UNC119B: variants seen among roughly 807,000 people sequenced by gnomAD.
The protein encoded by UNC119B is unc-119 lipid binding chaperone B.
A neutral mutation model predicts 23.4 loss-of-function variants in UNC119B; 16 were observed. The ratio of observed to expected loss-of-function variants is 0.68; its 90% CI spans 0.46 to 1.04. The LOEUF is 1.04. UNC119B is among the 50% of genes least tolerant of loss of function. The pLI is 0.00. For missense variants in UNC119B, 350 were observed against 361.3 expected (o/e 0.97, Z 0.25); for synonymous variants, 144 against 145.4 (o/e 0.99, Z 0.07).
rs1882897645 is a variant in UNC119B at position 120,721,359 on chromosome 12, T to G, written c.*1327T>G. ...CTCCACAAACCCTCTGATGAGACGA[T>G]TGATGTGGCCAGGGTCCAGTTAGCA... On this transcript the variant is annotated 3_prime_UTR_variant, in exon 5 of 5. Transcript: ENST00000344651. The G allele has an allele frequency of 6.6e-6, 1 of 152,268 alleles. No individual in the cohort carries two copies. The highest frequency in any genetic ancestry group is 6.5e-5 in the Admixed American group (1 of 15,284). 9.4% of individuals were successfully genotyped at this position (152,268 alleles called of 1,614,324 possible). A position where few individuals can be genotyped will look rare whatever the true frequency, so the allele number is the denominator to read the frequency against.
At chr12:120,713,909 A>G (rs184419804) in intron 2 of UNC119B, among the ~76,000 whole-genome samples, 3 of 152,298 alleles carry the variant, frequency 2.0e-5, no homozygotes, top group Admixed American at 6.5e-5. Context: ...TGGAGTTCCC[A>G]GACCTAGTTT....
Position 120,720,038 on chromosome 12 carries a change from G to A in UNC119B, c.*6G>A, listed in dbSNP as rs776491799. 6.2e-7 allele frequency: 1 copy of A among 1,602,894 alleles called. No homozygotes were observed. The highest frequency in any genetic ancestry group is 8.5e-7 in the Non-Finnish European group (1 of 1,170,042). ...CCTATAATGGAGGCCAGTAAGTGCT[G>A]CAAGAGTAGATAGGGGAGGTGCTTT... On this transcript the variant is annotated 3_prime_UTR_variant, in exon 5 of 5. Coordinates refer to ENST00000344651, the MANE Select transcript of UNC119B (RefSeq NM_001080533.3).
intron 1 of UNC119B, 60 bp from the exon 2 acceptor site, chr12:120,713,214 A>T: frequency 1.5e-6 from 2 of 1,360,564 alleles, no homozygotes; most frequent in Non-Finnish European, 2.1e-6. Flanking sequence ...CTTGAGAATT[A>T]AATAAATGGT....
In UNC119B at chr12:120,710,524, C is replaced by A. The variant is rs1442119979; in HGVS notation, c.50C>A (p.Pro17His). ...GCGGCCGCGGCGTCGGCGGCTGGGC[C>A]CGGGGGGCTGGTGGCTGGCAAGGAG... is the stretch of plus-strand genomic sequence containing the variant. The part of the protein sequence containing the change: ...KAAAAASAAG[P>H]GGLVAGKEEK... Residue 17 changes from proline (P) to histidine (H), a missense_variant, in exon 1 of 5, where the codon CCC (proline) becomes CAC (histidine). By Grantham distance (77) the Pro-to-His change is moderately conservative. Coordinates refer to ENST00000344651, the MANE Select transcript of UNC119B (RefSeq NM_001080533.3). 7 of 1,369,950 alleles carry A rather than the reference C, an allele frequency of 5.1e-6. No homozygotes were observed. Among genetic ancestry groups the A allele is most frequent in the East Asian group, 3.0e-5 (1 of 32,824 alleles). The allele number at this position is 1,369,950 out of a possible 1,614,324, so 84.9% of individuals were successfully genotyped here. A position where few individuals can be genotyped will look rare whatever the true frequency, so the allele number is the denominator to read the frequency against.
intron 4 of UNC119B, among the ~76,000 whole-genome samples, chr12:120,717,447 C>T (rs895143198): frequency 4.0e-5 from 6 of 151,860 alleles, no homozygotes; most frequent in Non-Finnish European, 5.9e-5. Context: ...TCAGTAGAGA[C>T]GGGATTTCAC....
rs764074770 is a variant in UNC119B, at chr12:120,723,623, A to T, written c.*3591A>T. ...TTTTGCCACATGAGACAGTAATAAA[A>T]GAAAGATTTTCACAGTACGTCTCCC... On this transcript the variant is annotated 3_prime_UTR_variant, in exon 5 of 5. Coordinates refer to ENST00000344651, the MANE Select transcript of UNC119B (RefSeq NM_001080533.3). 3.9e-5 allele frequency: 6 copies of T among 152,154 alleles called. No individual in the cohort carries two copies. The highest frequency in any genetic ancestry group is 7.2e-5 in the African/African-American group (3 of 41,426). 9.4% of individuals were successfully genotyped at this position (152,154 alleles called of 1,614,324 possible).
At chr12:120,717,361 C>T (rs888777777) in intron 4 of UNC119B, among the ~76,000 whole-genome samples, 3 of 152,014 alleles carry the variant, frequency 2.0e-5, no homozygotes, top group Non-Finnish European at 2.9e-5. Flanking sequence ...CCTCTGCCTC[C>T]CAGGTTCAAG....
intron 2 of UNC119B, among the ~76,000 whole-genome samples, chr12:120,716,139 T>A (rs1243692028): frequency 1.3e-5 from 2 of 152,260 alleles, no homozygotes; most frequent in Non-Finnish European, 2.9e-5. Context: ...CCTCATTCTT[T>A]TAGGTTGGTG....
chr12:120,717,761 A>G (rs1310055990), intron 4 of UNC119B, among the ~76,000 whole-genome samples: 1 of 149,524 alleles, frequency 6.7e-6, no homozygotes, highest in Non-Finnish European at 1.5e-5. Context: ...ACAGAGTTTC[A>G]CCATGTTGGT....
intron 4 of UNC119B, 24 bp from the exon 5 acceptor site, chr12:120,719,895 TC>T (rs1566020899): frequency 6.4e-7 from 1 of 1,564,480 alleles, no homozygotes. Context: ...TTTGCTTTTT[TC>T]TTCCCCCTTT....
At position 120,710,594 on chromosome 12, in the gene UNC119B, G is replaced by T; in HGVS notation, c.120G>T (p.Ala40=). ...GCGGCGTCCTGAACCGCCTGAAGGCGCGGCGGCAGGCGCCCCACCACGCGG... is the reference window on the plus strand; with the variant it reads ...GCGGCGTCCTGAACCGCCTGAAGGCTCGGCGGCAGGCGCCCCACCACGCGG... ...AGGGVLNRLK[A]RRQAPHHAAD... is the part of the protein sequence containing the mutation. Residue 40 remains alanine, a synonymous_variant, in exon 1 of 5, where the codon GCG becomes GCT. Coordinates refer to ENST00000344651, the MANE Select transcript of UNC119B (RefSeq NM_001080533.3). 7.0e-7 allele frequency: 1 copy of T among 1,429,278 alleles called. No homozygotes were observed. Among genetic ancestry groups the T allele is most frequent in the South Asian group, 1.4e-5 (1 of 71,240 alleles). 88.5% of individuals were successfully genotyped at this position (1,429,278 alleles called of 1,614,324 possible). A position where few individuals can be genotyped will look rare whatever the true frequency, so the allele number is the denominator to read the frequency against.
chr12:120,710,736 C>A lies in UNC119B; in HGVS notation c.244+18C>A. ...CACCGAGAGTGAGTGCCGCGCGGGC[C>A]GCGCCCTCCCCTCGCGCCGTGCCCC... On this transcript the variant is annotated intron_variant, in intron 1 of 4. Coordinates refer to ENST00000344651, the MANE Select transcript of UNC119B (RefSeq NM_001080533.3). The A allele has an allele frequency of 7.5e-7, 1 of 1,339,062 alleles. No homozygotes were observed. The highest frequency in any genetic ancestry group is 1.5e-5 in the African/African-American group (1 of 65,250). The allele number at this position is 1,339,062 out of a possible 1,614,324, so 82.9% of individuals were successfully genotyped here.
At position 120,721,891 on chromosome 12, in the gene UNC119B, G is replaced by A. The variant is rs1453383807; in HGVS notation, c.*1859G>A. The A allele has an allele frequency of 6.5e-6, 1 of 152,770 alleles. No homozygotes were observed. Among genetic ancestry groups the A allele is most frequent in the East Asian group, 1.9e-4 (1 of 5,200 alleles). 9.5% of individuals were successfully genotyped at this position (152,770 alleles called of 1,614,324 possible). ...TCACTGGCAGAAAGATGCCAGGGCT[G>A]TTAGCACTGTCTCCTCACCTTCTGT... On this transcript the variant is annotated 3_prime_UTR_variant, in exon 5 of 5. Coordinates refer to ENST00000344651, the MANE Select transcript of UNC119B (RefSeq NM_001080533.3).
chr12:120,720,271 TA>T lies in UNC119B; in HGVS notation c.*243del. The T allele has an allele frequency of 2.0e-6, 1 of 489,856 alleles. No homozygotes were observed. The highest frequency in any genetic ancestry group is 3.6e-6 in the Non-Finnish European group (1 of 277,850). The allele number at this position is 489,856 out of a possible 1,614,324, so 30.3% of individuals were successfully genotyped here. A position where few individuals can be genotyped will look rare whatever the true frequency, so the allele number is the denominator to read the frequency against. ...AGGTTGCAGAGGTACTATAGTAAAG[TA>T]AAAGGTTAGGATAAGGGTCCTGGAA... On this transcript the variant is annotated 3_prime_UTR_variant, in exon 5 of 5. Coordinates refer to ENST00000344651, the MANE Select transcript of UNC119B (RefSeq NM_001080533.3).
At chr12:120,714,508 A>G (rs1159028008) in intron 2 of UNC119B, among the ~76,000 whole-genome samples, 1 of 152,038 alleles carries the variant, frequency 6.6e-6, no homozygotes, top group Non-Finnish European at 1.5e-5. Flanking sequence ...TTTAATAGAG[A>G]CGGGATTTCA....
In UNC119B at chr12:120,720,178, A is replaced by G. The variant is rs1453226645; in HGVS notation, c.*146A>G. The G allele has an allele frequency of 1.6e-6, 1 of 626,552 alleles. No homozygotes were observed. The highest frequency in any genetic ancestry group is 2.8e-6 in the Non-Finnish European group (1 of 355,498). 38.8% of individuals were successfully genotyped at this position (626,552 alleles called of 1,614,324 possible). A position where few individuals can be genotyped will look rare whatever the true frequency, so the allele number is the denominator to read the frequency against. On this transcript the variant is annotated 3_prime_UTR_variant, in exon 5 of 5. Transcript: ENST00000344651. ...TGGGGTGGCAGTTTCCTGCGCGCCA[A>G]AGGAGCTGCCAAACAGTGCTGTGTT...
In UNC119B at chr12:120,716,919, G is replaced by C. The variant is rs919865556; in HGVS notation, c.520G>C (p.Glu174Gln). Residue 174 changes from glutamate (E) to glutamine (Q), a missense_variant, in exon 4 of 5, where the codon GAA (glutamate) becomes CAA (glutamine). Glu to Gln is a conservative substitution (Grantham distance 29). Coordinates refer to ENST00000344651, the MANE Select transcript of UNC119B (RefSeq NM_001080533.3). ...DKPVSNFRMIERHYFREHLLK... is the reference protein window; with the variant it reads ...DKPVSNFRMIQRHYFREHLLK... ...ACCTGTTTCAAACTTCCGGATGATC[G>C]AACGGCACTATTTCCGGGAACACTT... The C allele has an allele frequency of 6.2e-7, 1 of 1,613,574 alleles. No homozygotes were observed. Among genetic ancestry groups the C allele is most frequent in the South Asian group, 1.1e-5 (1 of 90,998 alleles).
At position 120,719,923 on chromosome 12, in the gene UNC119B, G is replaced by T. The variant is rs762500797; in HGVS notation, c.647G>T (p.Arg216Leu). The change falls in exon 5 of 5, where the codon CGT (arginine) becomes CTT (leucine). Residue 216 changes from arginine to leucine, a missense_variant. Transcript: ENST00000344651. ...EFPQLSEDVI[R>L]LMIENPYETR... ...TCCCCCTTTGCCTGACTTGCAGTTC[G>T]TCTAATGATTGAAAATCCTTACGAG... 5 of 1,612,892 alleles carry T rather than the reference G, an allele frequency of 3.1e-6. No homozygotes were observed. The highest frequency in any genetic ancestry group is 4.2e-6 in the Non-Finnish European group (5 of 1,178,972).
intron 1 of UNC119B, among the ~76,000 whole-genome samples, chr12:120,712,656 G>C (rs993338019): frequency 6.6e-6 from 1 of 152,258 alleles, no homozygotes; most frequent in South Asian, 2.1e-4. Context: ...CTTGAGACAC[G>C]TGGTTATGTA....
Sources: allele counts gnomAD v4.1 joint callset (sites outside exome capture counted in the v4.1 genomes callset), GRCh38; gene constraint gnomAD v4.1.1; transcripts MANE v1.5; gene names NCBI Gene and HGNC (gene_info 2026-07-23, HGNC 2026-07-21).